Variants in GRID2 observed in about 807,000 individuals in gnomAD.
GRID2 encodes the protein glutamate receptor ionotropic, delta-2.
In GRID2, 33 loss-of-function variants were observed where a neutral mutation model predicts 114.8. The ratio of observed to expected loss-of-function variants is 0.29; its 90% CI spans 0.22 to 0.38. The LOEUF is 0.38. Among genes scored for constraint, GRID2 ranks in the 10% least tolerant of loss-of-function variants. The probability of loss-of-function intolerance (pLI) is 1.00; values close to 1 mark genes in which losing one functional copy is unlikely to be tolerated. For synonymous variants in GRID2, 505 were observed against 449.9 expected, an observed-to-expected ratio of 1.12 and a Z score of -1.55; for missense variants, 1,184 against 1,257.7, an observed-to-expected ratio of 0.94 and a Z score of 0.89.
chr4:92,908,773 G>A (rs1748153651), intron 2 of GRID2, among the ~76,000 whole-genome samples: 1 of 152,042 alleles, frequency 6.6e-6, no homozygotes, highest in Non-Finnish European at 1.5e-5. Context: ...TAATATTTAT[G>A]AACAGACATA....
Position 93,578,587 on chromosome 4 carries a change from A to ATTTTTTTTTTT in GRID2, c.2194-47668_2194-47658dup, listed in dbSNP as rs59397408. On this transcript the variant is annotated intron_variant, in intron 13 of 15. Transcript: ENST00000282020. ...AAAAGAACCTTGTCTTGTTTTTTGT[A>ATTTTTTTTTTT]TTTTTTTTTTTTTTTTTTTTTTTTG... Among the ~76,000 whole-genome samples the ATTTTTTTTTTT allele has an allele frequency of 2.0e-3, 166 of 83,908 alleles. 8 individuals carry two copies. Among genetic ancestry groups the ATTTTTTTTTTT allele is most frequent in the African/African-American group, 7.3e-3 (141 of 19,304 alleles). 55.0% of individuals were successfully genotyped at this position (83,908 alleles called of 152,430 possible). A position where few individuals can be genotyped will look rare whatever the true frequency, so the allele number is the denominator to read the frequency against.
chr4:93,609,471 T>G lies in GRID2; in HGVS notation c.2194-16798T>G, dbSNP rs1269935113. Among the ~76,000 whole-genome samples the G allele has an allele frequency of 6.9e-5, 2 of 29,006 alleles. 1 individual carries two copies. The highest frequency in any genetic ancestry group is 1.5e-4 in the Non-Finnish European group (2 of 13,562). 19.0% of individuals were successfully genotyped at this position (29,006 alleles called of 152,430 possible). A position where few individuals can be genotyped will look rare whatever the true frequency, so the allele number is the denominator to read the frequency against. On this transcript the variant is annotated intron_variant, in intron 13 of 15. Coordinates refer to ENST00000282020, the MANE Select transcript of GRID2 (RefSeq NM_001510.4). ...GTCTAACGTTTAAATCTTTAATCCATCTTGAATTGATTTTTGTATAAGGTG... is the reference window on the plus strand; with the variant it reads ...GTCTAACGTTTAAATCTTTAATCCAGCTTGAATTGATTTTTGTATAAGGTG...
At chr4:92,571,011 G>T (rs1451520061) in intron 1 of GRID2, among the ~76,000 whole-genome samples, 1 of 151,916 alleles carries the variant, frequency 6.6e-6, no homozygotes, top group Non-Finnish European at 1.5e-5. Context: ...CAGTGGACAA[G>T]CTTGTCTTGT....
intron 2 of GRID2, among the ~76,000 whole-genome samples, chr4:92,848,218 ATT>A (rs72175096): frequency 7.4e-4 from 105 of 142,770 alleles, no homozygotes; most frequent in East Asian, 4.1e-3. Context: ...ACATTCAGGG[ATT>A]TTTTTTTTTT....
intron 2 of GRID2, among the ~76,000 whole-genome samples, chr4:92,969,848 A>G (rs1753385037): frequency 1.3e-5 from 2 of 151,916 alleles, no homozygotes; most frequent in Admixed American, 1.3e-4. Flanking sequence ...CTAGATAACC[A>G]AGGTTGCCTG....
At chr4:93,417,977 G>A (rs1006377570) in intron 9 of GRID2, among the ~76,000 whole-genome samples, 2 of 149,878 alleles carry the variant, frequency 1.3e-5, no homozygotes, top group Admixed American at 6.7e-5. Context: ...CCTAAGGAGT[G>A]GAATTTCTAG....
chr4:93,533,238 C>A (rs1181349787), intron 13 of GRID2, among the ~76,000 whole-genome samples: 1 of 149,950 alleles, frequency 6.7e-6, no homozygotes, highest in Admixed American at 6.7e-5. Flanking sequence ...AGGGCCCTTT[C>A]TTTCTCTCTT....
chr4:93,041,310 A>G (rs762085777), intron 2 of GRID2, among the ~76,000 whole-genome samples: 3 of 152,154 alleles, frequency 2.0e-5, no homozygotes, highest in African/African-American at 7.2e-5. Flanking sequence ...CACTGCTTAG[A>G]TTTCTTTTTT....
At chr4:92,838,706 A>G (rs917228347) in intron 2 of GRID2, 7 of 152,126 alleles carry the variant, frequency 4.6e-5, no homozygotes, top group Admixed American at 4.6e-4. Context: ...TATTAGACAT[A>G]AAGCATTAGA....
chr4:93,116,700 A>G (rs1265428879), intron 4 of GRID2, among the ~76,000 whole-genome samples: 1 of 151,254 alleles, frequency 6.6e-6, no homozygotes, highest in African/African-American at 2.4e-5. Flanking sequence ...ACAATTTCTT[A>G]GTTTCCGGCC....
chr4:93,132,261 A>C (rs1162623191), intron 4 of GRID2, among the ~76,000 whole-genome samples: 1 of 152,322 alleles, frequency 6.6e-6, no homozygotes, highest in Middle Eastern at 3.4e-3. Context: ...TTTGGCACTC[A>C]ATACCTACTT....
At chr4:93,161,823 AT>A (rs1182203775) in intron 4 of GRID2, among the ~76,000 whole-genome samples, 1 of 151,804 alleles carries the variant, frequency 6.6e-6, no homozygotes, top group Non-Finnish European at 1.5e-5. Context: ...AAAGTTAAAA[AT>A]ATTTTAAGTT....
chr4:93,651,172 T>A (rs1722547579), intron 14 of GRID2, among the ~76,000 whole-genome samples: 1 of 152,218 alleles, frequency 6.6e-6, no homozygotes, highest in South Asian at 2.1e-4. Context: ...GAGTTTCTCA[T>A]ATCTTTTGTC....
chr4:93,578,904 A>G (rs1736701262), intron 13 of GRID2, among the ~76,000 whole-genome samples: 1 of 152,060 alleles, frequency 6.6e-6, no homozygotes, highest in South Asian at 2.1e-4. Context: ...CCTTGCTTTC[A>G]TTAACTGTCA....
intron 1 of GRID2, among the ~76,000 whole-genome samples, chr4:92,361,204 A>G (rs1452629068): frequency 6.6e-6 from 1 of 152,050 alleles, no homozygotes; most frequent in Non-Finnish European, 1.5e-5. Flanking sequence ...GGCAAATTGA[A>G]TTAAAAGATC....
chr4:93,565,167 T>C (rs1735287377), intron 13 of GRID2, among the ~76,000 whole-genome samples: 1 of 152,082 alleles, frequency 6.6e-6, no homozygotes, highest in South Asian at 2.1e-4. Flanking sequence ...GCAATAAAGA[T>C]TATAAATACC....
At chr4:92,813,864 G>T (rs1450690311) in intron 2 of GRID2, among the ~76,000 whole-genome samples, 1 of 151,958 alleles carries the variant, frequency 6.6e-6, no homozygotes, top group East Asian at 1.9e-4. Context: ...CCTTAACATC[G>T]CATTGAAAGA....
intron 8 of GRID2, among the ~76,000 whole-genome samples, chr4:93,340,012 T>C (rs573548074): frequency 1.8e-4 from 28 of 152,254 alleles, no homozygotes; most frequent in African/African-American, 6.7e-4. Flanking sequence ...ATGGGTATTA[T>C]GGGGATTATA....
At chr4:93,531,908 A>G (rs1438978529) in intron 13 of GRID2, among the ~76,000 whole-genome samples, 3 of 152,104 alleles carry the variant, frequency 2.0e-5, no homozygotes, top group African/African-American at 4.8e-5. Flanking sequence ...CACATTTTAG[A>G]AGAATTTACC....
Sources: allele counts gnomAD v4.1 joint callset (sites outside exome capture counted in the v4.1 genomes callset), GRCh38; gene constraint gnomAD v4.1.1; transcripts MANE v1.5; gene names NCBI Gene and HGNC (gene_info 2026-07-23, HGNC 2026-07-21).